The following BNIP3L variants were observed in gnomAD, a reference collection of about 807,000 sequenced individuals.
The protein encoded by BNIP3L is BCL2 interacting protein 3 like.
BNIP3L carries 10 observed loss-of-function variants against 25.5 expected under a neutral mutation model. The observed-to-expected ratio is 0.39, with a 90% CI of 0.24 to 0.67. The LOEUF (loss-of-function observed/expected upper bound fraction) is 0.67, where lower values mean the gene tolerates loss of function less well. BNIP3L is among the 30% of genes least tolerant of loss of function. The pLI is 0.45. For synonymous variants in BNIP3L, 113 were observed against 101.2 expected (o/e 1.12, Z -0.70); for missense variants, 215 against 270.9 (o/e 0.79, Z 1.45).
intron 2 of BNIP3L, among the ~76,000 whole-genome samples, chr8:26,393,388 G>A (rs1219065774): frequency 7.0e-6 from 1 of 143,644 alleles, no homozygotes; most frequent in Non-Finnish European, 1.5e-5. Flanking sequence ...TTTTCACCTT[G>A]ACGGCACACT....
At chr8:26,395,760 G>C (rs1806221498) in intron 3 of BNIP3L, 1 of 170,262 alleles carries the variant, frequency 5.9e-6, no homozygotes, top group African/African-American at 2.4e-5. Flanking sequence ...CAGGCCAGTG[G>C]GTGCGCGCAC....
At chr8:26,390,469 A>G (rs1313784681) in intron 1 of BNIP3L, 2 of 985,302 alleles carry the variant, frequency 2.0e-6, no homozygotes, top group Non-Finnish European at 2.4e-6. Context: ...TGAAAACCCT[A>G]GAAAGTAGAA....
intron 1 of BNIP3L, chr8:26,383,540 C>T: frequency 7.8e-5 from 1 of 12,828 alleles, no homozygotes; most frequent in Non-Finnish European, 1.5e-4. Flanking sequence ...CGGGGCGGGG[C>T]GGGGGCGGGC....
Position 26,410,507 on chromosome 8 carries a change from C to A in BNIP3L, c.*95C>A. On this transcript the variant is annotated 3_prime_UTR_variant, in exon 6 of 6. Coordinates refer to ENST00000380629, the MANE Select transcript of BNIP3L (RefSeq NM_004331.3). Reference sequence around the variant, plus strand: ...ACTTGAGACCATTGTAAGCATGACCCAACCTACCACCCTGTTTTTACATAT... The same window carrying A: ...ACTTGAGACCATTGTAAGCATGACCAAACCTACCACCCTGTTTTTACATAT... 2 of 1,371,018 alleles carry A rather than the reference C, an allele frequency of 1.5e-6. No homozygotes were observed. Among genetic ancestry groups the A allele is most frequent in the Non-Finnish European group, 2.1e-6 (2 of 963,226 alleles). 84.9% of individuals were successfully genotyped at this position (1,371,018 alleles called of 1,614,324 possible). A position where few individuals can be genotyped will look rare whatever the true frequency, so the allele number is the denominator to read the frequency against.
At chr8:26,407,516 C>T (rs574674334) in intron 3 of BNIP3L, among the ~76,000 whole-genome samples, 5 of 151,244 alleles carry the variant, frequency 3.3e-5, no homozygotes, top group East Asian at 2.0e-4. Flanking sequence ...TTAGTAAAGA[C>T]GGGGTTTTAC....
In BNIP3L at chr8:26,408,321, C is replaced by G. The variant is rs1334884372; in HGVS notation, c.556C>G (p.Leu186Val). The G allele has an allele frequency of 1.2e-6, 2 of 1,614,212 alleles. No individual in the cohort carries two copies. Among genetic ancestry groups the G allele is most frequent in the Non-Finnish European group, 1.7e-6 (2 of 1,180,038 alleles). Residue 186 changes from leucine (L) to valine (V), a missense_variant, in exon 5 of 6, where the codon CTG becomes GTG. Leu to Val is a conservative substitution (Grantham distance 32). Transcript: ENST00000380629. Reference sequence around the variant, plus strand: ...AGGGGGTATTTTCTCCGCAGAATTTCTGAAGGTGTTCATTCCATCTCTCTT... The same window carrying G: ...AGGGGGTATTTTCTCCGCAGAATTTGTGAAGGTGTTCATTCCATCTCTCTT... The part of the protein sequence containing the change: ...KKGGIFSAEF[L>V]KVFIPSLFLS...
chr8:26,389,783 C>A (rs922001816), intron 1 of BNIP3L, among the ~76,000 whole-genome samples: 1 of 152,192 alleles, frequency 6.6e-6, no homozygotes, highest in Non-Finnish European at 1.5e-5. Flanking sequence ...GTCAGATTCC[C>A]AGCTAGGTCT....
intron 3 of BNIP3L, among the ~76,000 whole-genome samples, chr8:26,402,074 G>C (rs762472710): frequency 6.6e-6 from 1 of 152,106 alleles, no homozygotes; most frequent in Non-Finnish European, 1.5e-5. Context: ...CTGTGTCCTG[G>C]GCACTAGAAA....
intron 5 of BNIP3L, among the ~76,000 whole-genome samples, chr8:26,409,798 T>G (rs984547370): frequency 3.3e-5 from 5 of 152,194 alleles, no homozygotes; most frequent in South Asian, 2.1e-4. Context: ...GTGAAGCTAG[T>G]TACATACTTT....
chr8:26,395,443 G>T, intron 3 of BNIP3L, 141 bp downstream of exon 3: 1 of 924,364 alleles, frequency 1.1e-6, no homozygotes, highest in South Asian at 1.8e-5. Context: ...AATTTATTTA[G>T]GATGATATAG....
chr8:26,391,327 C>A lies in BNIP3L; in HGVS notation c.185C>A (p.Ser62Tyr). 6.2e-7 allele frequency: 1 copy of A among 1,611,960 alleles called. No homozygotes were observed. Among genetic ancestry groups the A allele is most frequent in the Non-Finnish European group, 8.5e-7 (1 of 1,179,206 alleles). ...GKNGGLEHVP[S>Y]SSSIHNGDME... is the part of the protein sequence containing the mutation. ...AATGGGGGGCTGGAACACGTACCAT[C>A]CTCATCCTCCATCCACAATGGAGAC... The change falls in exon 2 of 6, where the codon TCC becomes TAC. Residue 62 changes from serine (S) to tyrosine (Y), a missense_variant. Coordinates refer to ENST00000380629, the MANE Select transcript of BNIP3L (RefSeq NM_004331.3).
At position 26,410,384 on chromosome 8, in the gene BNIP3L, T is replaced by A; in HGVS notation, c.632T>A (p.Leu211Gln). The change falls in exon 6 of 6, where the codon CTG becomes CAG. Residue 211 changes from leucine (L) to glutamine (Q), a missense_variant. Physicochemically the swap from Leu to Gln is moderately radical, Grantham distance 113. Coordinates refer to ENST00000380629, the MANE Select transcript of BNIP3L (RefSeq NM_004331.3). ...LGLGIYIGKR[L>Q]STPSASTY ...TTCAGCATCTATATTGGAAAGCGAC[T>A]GAGCACACCCTCTGCCAGCACCTAC... The A allele has an allele frequency of 6.2e-7, 1 of 1,614,144 alleles. No individual in the cohort carries two copies. Among genetic ancestry groups the A allele is most frequent in the Non-Finnish European group, 8.5e-7 (1 of 1,180,016 alleles).
chr8:26,410,282 T>G, intron 5 of BNIP3L, 82 bp from the exon 6 acceptor site: 1 of 1,516,598 alleles, frequency 6.6e-7, no homozygotes, highest in East Asian at 2.3e-5. Flanking sequence ...GACTGAAGAG[T>G]TTTAAGTAGA....
At chr8:26,404,242 G>A (rs1051215324) in intron 3 of BNIP3L, among the ~76,000 whole-genome samples, 5 of 152,214 alleles carry the variant, frequency 3.3e-5, no homozygotes, top group Admixed American at 3.3e-4. Context: ...AAGCGATATA[G>A]ATTATTTATT....
chr8:26,391,794 CTG>C (rs1806117479), intron 2 of BNIP3L, among the ~76,000 whole-genome samples: 1 of 152,180 alleles, frequency 6.6e-6, no homozygotes, highest in Non-Finnish European at 1.5e-5. Flanking sequence ...TTAGTTACCT[CTG>C]TATATATGTG....
chr8:26,390,585 A>T (rs1806084162), intron 1 of BNIP3L: 1 of 966,270 alleles, frequency 1.0e-6, no homozygotes, highest in African/African-American at 1.8e-5. Flanking sequence ...GAAGAAACTA[A>T]TCAGTGAGAT....
chr8:26,397,441 C>G (rs1374497481), intron 3 of BNIP3L, among the ~76,000 whole-genome samples: 22 of 121,950 alleles, frequency 1.8e-4, no homozygotes, highest in African/African-American at 6.8e-4. Flanking sequence ...TTGTCACCAC[C>G]AGGCCTGCCC....
chr8:26,390,504 G>C, intron 1 of BNIP3L: 1 of 985,400 alleles, frequency 1.0e-6, no homozygotes, highest in African/African-American at 1.7e-5. Flanking sequence ...AAAGAAAAAA[G>C]ACAAGTTCAC....
intron 1 of BNIP3L, chr8:26,390,542 G>A (rs1484189871): frequency 1.0e-6 from 1 of 985,038 alleles, no homozygotes; most frequent in Non-Finnish European, 1.2e-6. Flanking sequence ...TAAAAAAGGA[G>A]AAGGACTAGA....
Sources: gnomAD v4.1 joint callset for allele counts (sites outside exome capture counted in the v4.1 genomes callset) on GRCh38, gnomAD v4.1.1 for gene constraint, MANE v1.5 for transcripts, NCBI Gene and HGNC (gene_info 2026-07-23, HGNC 2026-07-21) for gene names.